The following GABRG3 variants were observed in gnomAD, a reference collection of about 807,000 sequenced individuals.
GABRG3 encodes the protein gamma-aminobutyric acid receptor subunit gamma-3.
In GABRG3, 25 loss-of-function variants were observed where a neutral mutation model predicts 48.8. The observed-to-expected ratio is 0.51, with a 90% CI of 0.37 to 0.72. The LOEUF (loss-of-function observed/expected upper bound fraction) is 0.72. Ranked by LOEUF, GABRG3 falls within the 30% of genes least tolerant of loss-of-function variation. GABRG3 has a pLI of 0.00. For synonymous variants in GABRG3, 227 were observed against 217.6 expected (o/e 1.04, Z -0.38); for missense variants, 394 against 577.9 (o/e 0.68, Z 3.26).
chr15:27,297,371 A>G (rs1040396977), intron 3 of GABRG3, among the ~76,000 whole-genome samples: 1 of 152,192 alleles, frequency 6.6e-6, no homozygotes, highest in African/African-American at 2.4e-5. Flanking sequence ...TTCACTCAGC[A>G]TTCATTCACT....
chr15:27,510,482 G>A (rs563774032), intron 6 of GABRG3, among the ~76,000 whole-genome samples: 1 of 152,262 alleles, frequency 6.6e-6, no homozygotes, highest in East Asian at 1.9e-4. Flanking sequence ...CTTCACAGGG[G>A]ACACAATGAT....
chr15:27,174,159 A>G (rs905342187), intron 3 of GABRG3, among the ~76,000 whole-genome samples: 5 of 152,156 alleles, frequency 3.3e-5, no homozygotes, highest in East Asian at 1.9e-4. Flanking sequence ...CTCTGGCATC[A>G]TGTCTTACCC....
chr15:27,346,348 A>G (rs964176288), intron 5 of GABRG3, among the ~76,000 whole-genome samples: 2 of 152,192 alleles, frequency 1.3e-5, no homozygotes, highest in Non-Finnish European at 2.9e-5. Context: ...AGCTTTTTCC[A>G]AAATTGACTG....
At chr15:27,193,283 A>G (rs1297331509) in intron 3 of GABRG3, among the ~76,000 whole-genome samples, 1 of 152,118 alleles carries the variant, frequency 6.6e-6, no homozygotes, top group African/African-American at 2.4e-5. Context: ...TGCAGAGGTT[A>G]CTGCTGTCTT....
intron 3 of GABRG3, among the ~76,000 whole-genome samples, chr15:27,117,438 G>T (rs984862230): frequency 1.3e-5 from 2 of 152,052 alleles, no homozygotes; most frequent in African/African-American, 4.8e-5. Flanking sequence ...TATTATCCCA[G>T]CCTTCTCCCA....
At chr15:27,030,864 A>G (rs1044152780) in intron 3 of GABRG3, among the ~76,000 whole-genome samples, 2 of 152,192 alleles carry the variant, frequency 1.3e-5, no homozygotes, top group African/African-American at 4.8e-5. Flanking sequence ...TTTGTTTCCT[A>G]GTCAATATGG....
At chr15:27,086,331 T>G (rs1897076843) in intron 3 of GABRG3, among the ~76,000 whole-genome samples, 1 of 146,636 alleles carries the variant, frequency 6.8e-6, no homozygotes, top group African/African-American at 2.5e-5. Flanking sequence ...TCTGCGCATT[T>G]ACAAAGGCAG....
intron 6 of GABRG3, among the ~76,000 whole-genome samples, chr15:27,519,524 A>G (rs1891108643): frequency 6.6e-6 from 1 of 152,254 alleles, no homozygotes; most frequent in East Asian, 1.9e-4. Context: ...AAATAAAAAT[A>G]TAAAATGGTT....
intron 3 of GABRG3, among the ~76,000 whole-genome samples, chr15:27,145,601 ATCTC>A (rs1403766960): frequency 1.6e-5 from 1 of 62,346 alleles, no homozygotes; most frequent in Non-Finnish European, 4.0e-5. Context: ...ACATATATCT[ATCTC>A]TATCTATCTA....
chr15:27,401,626 G>A (rs1887477765), intron 5 of GABRG3, among the ~76,000 whole-genome samples: 1 of 152,170 alleles, frequency 6.6e-6, no homozygotes. Context: ...ATGTCTCCTT[G>A]TAAGTAACAC....
At chr15:27,084,815 G>C (rs978842824) in intron 3 of GABRG3, among the ~76,000 whole-genome samples, 1 of 152,126 alleles carries the variant, frequency 6.6e-6, no homozygotes, top group African/African-American at 2.4e-5. Context: ...TCTCCAGGGG[G>C]GTGCCACTCT....
At chr15:27,158,688 A>C (rs1898497264) in intron 3 of GABRG3, among the ~76,000 whole-genome samples, 2 of 152,192 alleles carry the variant, frequency 1.3e-5, no homozygotes, top group South Asian at 4.1e-4. Context: ...CTATGTAGCT[A>C]AGTTAAAAAT....
chr15:27,150,507 G>A lies in GABRG3; in HGVS notation c.270+123686G>A, dbSNP rs181970635. 5.0e-4 allele frequency among the ~76,000 whole-genome samples: 76 copies of A among 152,236 alleles called. No homozygotes were observed. In the East Asian group the frequency reaches 0.011, roughly 22 times the overall value. The stretch of plus-strand genomic sequence containing the variant: ...AAAAAAATGTGAAGGTGGGCTGGCC[G>A]GGTTCCATTGTCAAATAATTTTGGA... On this transcript the variant is annotated intron_variant, in intron 3 of 9. Transcript: ENST00000615808.
At chr15:27,152,035 T>A (rs569571444) in intron 3 of GABRG3, among the ~76,000 whole-genome samples, 2 of 152,362 alleles carry the variant, frequency 1.3e-5, no homozygotes, top group South Asian at 2.1e-4. Flanking sequence ...ACTGATCTTT[T>A]TATGGGTCAT....
intron 2 of GABRG3, among the ~76,000 whole-genome samples, chr15:27,022,739 G>A (rs1895919066): frequency 6.6e-6 from 1 of 152,164 alleles, no homozygotes; most frequent in African/African-American, 2.4e-5. Context: ...CAAGGCTGCT[G>A]TCAGGTCCCC....
At chr15:27,091,983 T>A (rs1276006114) in intron 3 of GABRG3, among the ~76,000 whole-genome samples, 1 of 152,204 alleles carries the variant, frequency 6.6e-6, no homozygotes, top group Non-Finnish European at 1.5e-5. Context: ...TTTCAGCATT[T>A]CTTAGGAGGA....
chr15:27,498,747 C>A (rs1201644136), intron 6 of GABRG3, among the ~76,000 whole-genome samples: 2 of 152,084 alleles, frequency 1.3e-5, no homozygotes, highest in Non-Finnish European at 2.9e-5. Context: ...CTCAGGTAAT[C>A]CACCCACCTC....
intron 3 of GABRG3, among the ~76,000 whole-genome samples, chr15:27,197,365 A>C (rs1468775057): frequency 6.6e-6 from 1 of 152,164 alleles, no homozygotes; most frequent in African/African-American, 2.4e-5. Flanking sequence ...TTTTTGATCC[A>C]TTATGTGAGC....
In GABRG3 at chr15:27,352,524, C is replaced by T. The variant is rs1894656849; in HGVS notation, c.574+23636C>T. Among the ~76,000 whole-genome samples the T allele has an allele frequency of 6.6e-6, 1 of 151,990 alleles. No homozygotes were observed. The highest frequency in any genetic ancestry group is 2.4e-5 in the African/African-American group (1 of 41,344). ...ATCCTAGGAATGAGAACACAGGGGC[C>T]GGCAGTGTGTCTGGATGAGGAACTG... On this transcript the variant is annotated intron_variant, in intron 5 of 9. Transcript: ENST00000615808. The surrounding 1 kb of genome is among the most constrained non-coding windows in gnomAD (Gnocchi z 4.0).
Sources: gnomAD v4.1 joint callset for allele counts (sites outside exome capture counted in the v4.1 genomes callset) on GRCh38, gnomAD v4.1.1 for gene constraint, Gnocchi (gnomAD v3.1) non-coding constraint, MANE v1.5 for transcripts, NCBI Gene and HGNC (gene_info 2026-07-23, HGNC 2026-07-21) for gene names.